ARHGEF10: variants seen among roughly 807,000 people sequenced by gnomAD.
The protein encoded by ARHGEF10 is Rho guanine nucleotide exchange factor 10, also known as Rho guanine nucleotide exchange factor (GEF) 10.
A neutral mutation model predicts 147.4 loss-of-function variants in ARHGEF10; 140 were observed. The observed-to-expected ratio is 0.95, with a 90% CI of 0.83 to 1.09. The LOEUF (loss-of-function observed/expected upper bound fraction) is 1.09, where lower values mean the gene tolerates loss of function less well. Ranked by LOEUF, ARHGEF10 falls within the 50% of genes least tolerant of loss-of-function variation. ARHGEF10 has a pLI of 0.00. For synonymous variants in ARHGEF10, 902 were observed against 695.8 expected (o/e 1.30, Z -4.67); for missense variants, 2,222 against 1,752.7 (o/e 1.27, Z -4.78).
intron 16 of ARHGEF10, 184 bp downstream of exon 16, chr8:1,903,635 C>G: frequency 1.5e-6 from 1 of 687,592 alleles, no homozygotes; most frequent in Non-Finnish European, 2.5e-6. Context: ...GTATGTAAAA[C>G]CTTAACAGCC....
rs1308042292 is a variant in ARHGEF10, at chr8:1,945,450, G to T, written c.3223-31G>T. ...GGCCCCACTCAGACTCACTCCACGG[G>T]GCTAGCAGACTTGACCTCTCGATTT... On this transcript the variant is annotated intron_variant, in intron 26 of 28. Coordinates refer to ENST00000349830, the MANE Select transcript of ARHGEF10 (RefSeq NM_014629.4). 16 of 1,561,590 alleles carry T rather than the reference G, an allele frequency of 1.0e-5. No homozygotes were observed. In the Middle Eastern group the frequency reaches 2.5e-3, roughly 244 times the overall value.
intron 2 of ARHGEF10, 77 bp from the exon 3 acceptor site, chr8:1,857,871 GATCGATCGATCT>G (rs1359256669): frequency 2.0e-4 from 87 of 425,166 alleles, no homozygotes; most frequent in Admixed American, 4.1e-4. Flanking sequence ...GGCTAACATA[GATCGATCGATCT>G]ATCTATCTAT....
chr8:1,878,677 G>C (rs371294646), intron 8 of ARHGEF10, among the ~76,000 whole-genome samples: 10 of 152,166 alleles, frequency 6.6e-5, no homozygotes, highest in African/African-American at 2.2e-4. Flanking sequence ...GTGGACAGAG[G>C]GGCCAGGCCA....
intron 1 of ARHGEF10, among the ~76,000 whole-genome samples, chr8:1,841,769 C>G (rs927846585): frequency 1.3e-5 from 2 of 151,924 alleles, no homozygotes; most frequent in African/African-American, 4.8e-5. Flanking sequence ...TTGAGCTACT[C>G]GTGTGCCATG....
intron 9 of ARHGEF10, among the ~76,000 whole-genome samples, chr8:1,881,338 C>G (rs1585375237): frequency 6.6e-6 from 1 of 152,096 alleles, no homozygotes; most frequent in African/African-American, 2.4e-5. Flanking sequence ...CTCTGATACT[C>G]TGTCCGGGGA....
chr8:1,896,288 A>G, intron 13 of ARHGEF10, 45 bp from the exon 14 acceptor site: 2 of 1,343,864 alleles, frequency 1.5e-6, no homozygotes, highest in Non-Finnish European at 2.1e-6. Context: ...GAAAAGGGAT[A>G]TCTGGACTCT....
chr8:1,893,092 CAAAAAAAA>C (rs34033686), intron 11 of ARHGEF10, among the ~76,000 whole-genome samples: 3 of 76,864 alleles, frequency 3.9e-5, no homozygotes, highest in Non-Finnish European at 8.2e-5. Context: ...AAGATCTTTG[CAAAAAAAA>C]AAAAAAAAAA....
rs781600133 is a variant in ARHGEF10 at position 1,956,887 on chromosome 8, A to C, written c.3659A>C (p.Lys1220Thr). 6.2e-7 allele frequency: 1 copy of C among 1,614,120 alleles called. No individual in the cohort carries two copies. Among genetic ancestry groups the C allele is most frequent in the South Asian group, 1.1e-5 (1 of 91,082 alleles). Reference sequence around the variant, plus strand: ...CCCGAGCCTCAGGACGAAGACCAGAAGGACGCACTTCCGAGTGGAGGAGCT... The same window carrying C: ...CCCGAGCCTCAGGACGAAGACCAGACGGACGCACTTCCGAGTGGAGGAGCT... Reference protein sequence around the residue: ...PGPEPQDEDQKDALPSGGAGS... With the variant: ...PGPEPQDEDQTDALPSGGAGS... The change falls in exon 29 of 29, where the codon AAG becomes ACG. Residue 1220 changes from lysine to threonine, a missense_variant. Physicochemically the swap from Lys to Thr is moderately conservative, Grantham distance 78. Coordinates refer to ENST00000349830, the MANE Select transcript of ARHGEF10 (RefSeq NM_014629.4).
intron 1 of ARHGEF10, among the ~76,000 whole-genome samples, chr8:1,839,808 TGTGTGGAAGCTGTCTG>T (rs1803860288): frequency 6.0e-5 from 2 of 33,060 alleles, no homozygotes; most frequent in African/African-American, 1.5e-4. Flanking sequence ...GGGACTGTCT[TGTGTGGAAGCTGTCTG>T]GTGTGGGGAC....
Position 1,843,453 on chromosome 8 carries a change from G to C in ARHGEF10, c.37+17G>C. The C allele has an allele frequency of 1.2e-6, 2 of 1,605,540 alleles. No homozygotes were observed. The highest frequency in any genetic ancestry group is 1.7e-6 in the Non-Finnish European group (2 of 1,173,600). The stretch of plus-strand genomic sequence containing the variant: ...CTCCTGCAGGTAACAGCACTCAGTA[G>C]GTGGGCCTGTGGGTCAGGTTGTGCT... On this transcript the variant is annotated intron_variant, in intron 2 of 28. Transcript: ENST00000349830.
chr8:1,869,329 T>G (rs755196605), intron 7 of ARHGEF10, 79 bp downstream of exon 7: 31 of 1,245,080 alleles, frequency 2.5e-5, no homozygotes, highest in Non-Finnish European at 3.6e-5. Flanking sequence ...GACTATTTAG[T>G]GGACGGCCCA....
rs375116286 is a variant in ARHGEF10 at position 1,869,290 on chromosome 8, C to A, written c.679+40C>A. On this transcript the variant is annotated intron_variant, in intron 7 of 28. Transcript: ENST00000349830. ...GGAATTGATTTGAGGAGATTCAGCT[C>A]AGCAGCCTTTCCCTCTGGATGCCAA... The A allele has an allele frequency of 1.9e-6, 3 of 1,568,634 alleles. No individual in the cohort carries two copies. In the African/African-American group the frequency reaches 4.1e-5, roughly 21 times the overall value.
At chr8:1,857,667 C>T (rs1805656669) in intron 2 of ARHGEF10, among the ~76,000 whole-genome samples, 1 of 151,964 alleles carries the variant, frequency 6.6e-6, no homozygotes, top group African/African-American at 2.4e-5. Flanking sequence ...ATCTGCCCAC[C>T]TTGGCCTCCC....
intron 1 of ARHGEF10, among the ~76,000 whole-genome samples, chr8:1,832,699 G>GA: frequency 9.8e-6 from 1 of 101,914 alleles, no homozygotes; most frequent in African/African-American, 3.7e-5. Flanking sequence ...CAGAGAGACA[G>GA]GCAGAGGCAG....
chr8:1,834,023 A>G (rs1044839440), intron 1 of ARHGEF10, among the ~76,000 whole-genome samples: 2 of 152,202 alleles, frequency 1.3e-5, no homozygotes, highest in African/African-American at 4.8e-5. Flanking sequence ...GGGGAAGGGT[A>G]AGCAGGGCTG....
At chr8:1,876,519 G>A in intron 7 of ARHGEF10, 52 bp from the exon 8 acceptor site, 2 of 1,566,012 alleles carry the variant, frequency 1.3e-6, no homozygotes. Context: ...GCACAAAACA[G>A]CCCACATGGA....
intron 1 of ARHGEF10, among the ~76,000 whole-genome samples, chr8:1,833,246 AGAGGCC>A (rs1803355732): frequency 6.6e-6 from 1 of 150,566 alleles, no homozygotes. Flanking sequence ...AGACAAAGAC[AGAGGCC>A]GAGACAGAGG....
chr8:1,886,546 A>G (rs747249389), intron 11 of ARHGEF10, among the ~76,000 whole-genome samples: 18 of 152,230 alleles, frequency 1.2e-4, no homozygotes, highest in Non-Finnish European at 2.2e-4. Flanking sequence ...TAGGAAGCTT[A>G]CATTTCAGTG....
rs1267810497 is a variant in ARHGEF10 at position 1,929,425 on chromosome 8, A to T, written c.3061A>T (p.Ser1021Cys). Reference protein sequence around the residue: ...YAGLVNGAVASYARAPDGSWD... With the variant: ...YAGLVNGAVACYARAPDGSWD... ...TGGCCTGGTCAACGGGGCAGTCGCC[A>T]GCTACGCCAGAGCCCCAGGTGAGGC... The change falls in exon 25 of 29, where the codon AGC (serine) becomes TGC (cysteine). Residue 1021 changes from serine to cysteine, a missense_variant. Coordinates refer to ENST00000349830, the MANE Select transcript of ARHGEF10 (RefSeq NM_014629.4). 5 of 1,609,498 alleles carry T rather than the reference A, an allele frequency of 3.1e-6. No individual in the cohort carries two copies. The highest frequency in any genetic ancestry group is 1.3e-5 in the African/African-American group (1 of 74,790).
Sources: gnomAD v4.1 joint callset for allele counts (sites outside exome capture counted in the v4.1 genomes callset) on GRCh38, gnomAD v4.1.1 for gene constraint, MANE v1.5 for transcripts, NCBI Gene and HGNC (gene_info 2026-07-23, HGNC 2026-07-21) for gene names.